PXT1: variants seen among roughly 807,000 people sequenced by gnomAD.
The protein encoded by PXT1 is peroxisomal testis enriched protein 1.
In PXT1, 11 loss-of-function variants were observed where a neutral mutation model predicts 11.0. The ratio of observed to expected loss-of-function variants is 1.00; its 90% CI spans 0.63 to 1.66. PXT1 has a LOEUF of 1.66. Ranked by LOEUF, PXT1 falls within the 40% of genes most tolerant of loss-of-function variation. The pLI is 0.00. For missense variants in PXT1, 141 were observed against 155.5 expected (o/e 0.91, Z 0.49); for synonymous variants, 43 against 51.4 (o/e 0.84, Z 0.70).
At chr6:36,409,412 C>T (rs550255541) in intron 3 of PXT1, among the ~76,000 whole-genome samples, 3 of 152,286 alleles carry the variant, frequency 2.0e-5, no homozygotes, top group East Asian at 3.9e-4. Flanking sequence ...CCCACCAAGA[C>T]GCAGAGACTG....
intron 2 of PXT1, among the ~76,000 whole-genome samples, chr6:36,426,941 C>G (rs1198134765): frequency 1.3e-5 from 2 of 152,104 alleles, no homozygotes; most frequent in African/African-American, 4.8e-5. Flanking sequence ...TCTTCCGCCC[C>G]CTTTCCCTTT....
chr6:36,439,920 G>A (rs1774830895), intron 1 of PXT1, among the ~76,000 whole-genome samples: 1 of 152,140 alleles, frequency 6.6e-6, no homozygotes, highest in African/African-American at 2.4e-5. Flanking sequence ...GGGCAATATA[G>A]TGAGACTTCC....
intron 3 of PXT1, among the ~76,000 whole-genome samples, chr6:36,403,684 A>G (rs1457937105): frequency 1.3e-5 from 2 of 152,192 alleles, no homozygotes; most frequent in Admixed American, 6.5e-5. Flanking sequence ...TCTGGGCAAC[A>G]TGGCAGAACC....
rs753284580 is a variant in PXT1, at chr6:36,400,524, T to C, written c.230A>G (p.Glu77Gly). ...HSIVQKHHQE[E>G]IIHKLAMQLR... Reference sequence around the variant, plus strand: ...CTGCATGGCCAACTTGTGAATTATTTCCTCCTGGTGATGCTTCTGAACAAT... The same window carrying C: ...CTGCATGGCCAACTTGTGAATTATTCCCTCCTGGTGATGCTTCTGAACAAT... The change falls in exon 4 of 5, where the codon GAA (glutamate) becomes GGA (glycine). Residue 77 changes from glutamate to glycine, a missense_variant. Physicochemically the swap from Glu to Gly is moderately conservative, Grantham distance 98. Coordinates refer to ENST00000454782, the MANE Select transcript of PXT1 (RefSeq NM_152990.4). 5.6e-6 allele frequency: 9 copies of C among 1,614,022 alleles called. No homozygotes were observed. Among genetic ancestry groups the C allele is most frequent in the Non-Finnish European group, 7.6e-6 (9 of 1,179,936 alleles).
intron 3 of PXT1, among the ~76,000 whole-genome samples, chr6:36,421,635 A>C (rs1272145861): frequency 6.6e-6 from 1 of 152,200 alleles, no homozygotes; most frequent in Non-Finnish European, 1.5e-5. Context: ...AATTTCTACA[A>C]ACTTTTAAAA....
rs1774068623 is a variant in PXT1 at position 36,391,685 on chromosome 6, T to A, written c.*85A>T. The A allele has an allele frequency of 1.1e-6, 1 of 907,304 alleles. No homozygotes were observed. Among genetic ancestry groups the A allele is most frequent in the Admixed American group, 1.9e-5 (1 of 53,242 alleles). The allele number at this position is 907,304 out of a possible 1,614,324, so 56.2% of individuals were successfully genotyped here. On this transcript the variant is annotated 3_prime_UTR_variant, in exon 5 of 5. Transcript: ENST00000454782. ...AAAAAGAGGGAGACGGAGAAGGGTG[T>A]TCTTCCCATCTGTCCCAGTGGGATT...
intron 3 of PXT1, among the ~76,000 whole-genome samples, chr6:36,413,846 A>C (rs1159899742): frequency 6.6e-6 from 1 of 152,128 alleles, no homozygotes; most frequent in African/African-American, 2.4e-5. Flanking sequence ...AAAAAATTTA[A>C]AAATTAGCCA....
rs1582255693 is a variant in PXT1 at position 36,409,420 on chromosome 6, C to T, written c.170-8836G>A. ...CATCTACCCCACCAAGACGCAGAGA[C>T]TGGGAGAGGGAGACGCACCCTTAAC... is the stretch of plus-strand genomic sequence containing the variant. On this transcript the variant is annotated intron_variant, in intron 3 of 4. Coordinates refer to ENST00000454782, the MANE Select transcript of PXT1 (RefSeq NM_152990.4). 2.0e-5 allele frequency among the ~76,000 whole-genome samples: 3 copies of T among 152,282 alleles called. No individual in the cohort carries two copies. In the South Asian group the frequency reaches 6.2e-4, roughly 32 times the overall value.
At chr6:36,429,724 C>T (rs568966308) in intron 2 of PXT1, among the ~76,000 whole-genome samples, 5 of 151,018 alleles carry the variant, frequency 3.3e-5, no homozygotes, top group African/African-American at 7.3e-5. Context: ...ATGCTGGTCT[C>T]GAACTCCTGA....
At chr6:36,440,309 G>A (rs1436721687) in intron 1 of PXT1, among the ~76,000 whole-genome samples, 2 of 152,122 alleles carry the variant, frequency 1.3e-5, no homozygotes, top group Non-Finnish European at 1.5e-5. Context: ...GGTGGCTTGC[G>A]CCTGTAATCC....
intron 3 of PXT1, among the ~76,000 whole-genome samples, chr6:36,410,618 AAAGG>A (rs997493703): frequency 6.6e-6 from 1 of 151,832 alleles, no homozygotes; most frequent in Non-Finnish European, 1.5e-5. Context: ...AGAAAGAAGA[AAAGG>A]AAGGAGGGAA....
chr6:36,430,369 C>A (rs629297), intron 2 of PXT1, among the ~76,000 whole-genome samples: 1 of 151,988 alleles, frequency 6.6e-6, no homozygotes, highest in East Asian at 1.9e-4. Context: ...CCCTACCAGG[C>A]AGAATGGACT....
intron 3 of PXT1, among the ~76,000 whole-genome samples, chr6:36,421,161 A>G (rs1463359295): frequency 1.3e-5 from 2 of 152,114 alleles, no homozygotes; most frequent in Admixed American, 6.6e-5. Flanking sequence ...TTAAAAAACA[A>G]CAACAACAAC....
chr6:36,402,714 G>T (rs879648233), intron 3 of PXT1, among the ~76,000 whole-genome samples: 2 of 152,146 alleles, frequency 1.3e-5, no homozygotes, highest in Non-Finnish European at 2.9e-5. Context: ...GAGGTTTTAT[G>T]CATAAACTCT....
chr6:36,393,861 A>G (rs1774105951), intron 4 of PXT1, among the ~76,000 whole-genome samples: 1 of 152,126 alleles, frequency 6.6e-6, no homozygotes, highest in Admixed American at 6.5e-5. Flanking sequence ...GATAAACTAC[A>G]TACTTTATTT....
At position 36,420,988 on chromosome 6, in the gene PXT1, G is replaced by A. The variant is rs192717625; in HGVS notation, c.169+4926C>T. On this transcript the variant is annotated intron_variant, in intron 3 of 4. Coordinates refer to ENST00000454782, the MANE Select transcript of PXT1 (RefSeq NM_152990.4). ...GAGGATCGCTTGAACCCGGGAGGCG[G>A]AGGTTGCAGCGAGCCAAGATTGTGC... Among the ~76,000 whole-genome samples, 378 of 151,822 alleles carry A rather than the reference G, an allele frequency of 2.5e-3. 2 individuals carry two copies. Among genetic ancestry groups the A allele is most frequent in the African/African-American group, 8.8e-3 (366 of 41,382 alleles).
intron 2 of PXT1, among the ~76,000 whole-genome samples, chr6:36,434,638 T>A (rs1340047176): frequency 6.6e-6 from 1 of 152,206 alleles, no homozygotes; most frequent in African/African-American, 2.4e-5. Context: ...AATCTATACT[T>A]GTAATTTCCA....
At position 36,427,800 on chromosome 6, in the gene PXT1, T is replaced by C. The variant is rs1248792251; in HGVS notation, c.-9-1709A>G. 2.0e-5 allele frequency among the ~76,000 whole-genome samples: 3 copies of C among 152,172 alleles called. No individual in the cohort carries two copies. In the East Asian group the frequency reaches 5.8e-4, roughly 29 times the overall value. On this transcript the variant is annotated intron_variant, in intron 2 of 4. Coordinates refer to ENST00000454782, the MANE Select transcript of PXT1 (RefSeq NM_152990.4). ...ATATTTTGGGTGCTCAGTAGCCACA[T>C]GCAGCCAGTGGCCACTGTACTGTAC... is the stretch of plus-strand genomic sequence containing the variant.
chr6:36,436,113 C>CAAAAAAAAA (rs11294829), intron 2 of PXT1, among the ~76,000 whole-genome samples: 3 of 60,092 alleles, frequency 5.0e-5, no homozygotes, highest in African/African-American at 1.2e-4. Flanking sequence ...AAAAGTAAGC[C>CAAAAAAAAA]AAAAAAAAAA....
Sources: gnomAD v4.1 joint callset for allele counts (sites outside exome capture counted in the v4.1 genomes callset) on GRCh38, gnomAD v4.1.1 for gene constraint, MANE v1.5 for transcripts, NCBI Gene and HGNC (gene_info 2026-07-23, HGNC 2026-07-21) for gene names.